The following MRPS7 variants were observed in gnomAD, a reference collection of about 807,000 sequenced individuals.
The protein encoded by MRPS7 is mitochondrial ribosomal protein S7.
A neutral mutation model predicts 26.2 loss-of-function variants in MRPS7; 13 were observed. That is an observed-to-expected ratio of 0.50 (90% confidence interval 0.32 to 0.79). The LOEUF (loss-of-function observed/expected upper bound fraction) is 0.79. Among genes scored for constraint, MRPS7 ranks in the 30% least tolerant of loss-of-function variants. The pLI is 0.03. For synonymous variants in MRPS7, 129 were observed against 113.3 expected (o/e 1.14, Z -0.88); for missense variants, 318 against 312.2 (o/e 1.02, Z -0.14).
intron 4 of MRPS7, chr17:75,263,718 A>C (rs1481688607): frequency 1.6e-6 from 1 of 607,144 alleles, no homozygotes; most frequent in African/African-American, 1.9e-5. Context: ...GTCTCTACAA[A>C]AAAAACAAAA....
intron 3 of MRPS7, chr17:75,263,137 C>A: frequency 3.0e-6 from 2 of 661,036 alleles, no homozygotes; most frequent in Non-Finnish European, 5.0e-6. Context: ...CCACCCCCTC[C>A]ATGCCACAAA....
chr17:75,263,240 C>A, intron 3 of MRPS7, 100 bp from the exon 4 acceptor site: 1 of 1,439,346 alleles, frequency 6.9e-7, no homozygotes, highest in Non-Finnish European at 9.5e-7. Context: ...GCATTGCCAG[C>A]GCAGAACCAG....
chr17:75,263,944 G>A (rs2077448520), intron 4 of MRPS7: 1 of 150,958 alleles, frequency 6.6e-6, no homozygotes, highest in African/African-American at 2.4e-5. Context: ...AGCACTTTGG[G>A]AGGCCGAGGT....
intron 4 of MRPS7, chr17:75,264,022 A>G (rs1366213267): frequency 6.6e-6 from 1 of 152,376 alleles, no homozygotes; most frequent in Non-Finnish European, 1.5e-5. Flanking sequence ...TAACAATACA[A>G]AATTAGCCAG....
chr17:75,261,928 C>A lies in MRPS7; in HGVS notation c.28C>A (p.Arg10=), dbSNP rs748923000. The A allele has an allele frequency of 1.2e-6, 2 of 1,608,808 alleles. No homozygotes were observed. Among genetic ancestry groups the A allele is most frequent in the Admixed American group, 3.3e-5 (2 of 59,968 alleles). Residue 10 remains arginine (R), a synonymous_variant, in exon 1 of 5, where the codon CGA becomes AGA. Coordinates refer to ENST00000245539, the MANE Select transcript of MRPS7 (RefSeq NM_015971.4). MAAPAVKVA[R]GWSGLALGVR... is the part of the protein sequence containing the mutation. ...GGCTGCCCCCGCAGTGAAGGTTGCC[C>A]GAGGATGGTCGGGCCTGGCGTTGGG...
chr17:75,262,124 C>T (rs1379121526), intron 1 of MRPS7, 141 bp downstream of exon 1: 2 of 1,003,616 alleles, frequency 2.0e-6, no homozygotes, highest in East Asian at 5.1e-5. Context: ...CTGCGTGACC[C>T]TGCGCCAATC....
Position 75,263,466 on chromosome 17 carries a change from A to G in MRPS7, c.466A>G (p.Ile156Val), listed in dbSNP as rs752219732. Residue 156 changes from isoleucine to valine, a missense_variant, in exon 4 of 5, where the codon ATT becomes GTT. Transcript: ENST00000245539. ...AGCACTGAAAAACTGTGAGCCTATG[A>G]TTGGGCTGGTACCCATCCTCAAGGG... ...HQALKNCEPM[I>V]GLVPILKGGR... 8.7e-6 allele frequency: 14 copies of G among 1,613,956 alleles called. No homozygotes were observed. In the South Asian group the frequency reaches 1.5e-4, roughly 18 times the overall value.
chr17:75,263,802 GT>G, intron 4 of MRPS7: 1 of 256,990 alleles, frequency 3.9e-6, no homozygotes, highest in Non-Finnish European at 7.5e-6. Context: ...GATCACTTGA[GT>G]CCAGGAGGTC....
At position 75,262,765 on chromosome 17, in the gene MRPS7, A is replaced by C. The variant is rs779751087; in HGVS notation, c.276-39A>C. The C allele has an allele frequency of 1.9e-6, 3 of 1,613,628 alleles. No individual in the cohort carries two copies. The African/African-American group carries it at 4.0e-5, about 22-fold the overall frequency. ...GTTTCTGGTGAGGATTCTGTGATAC[A>C]GCCTTGGAGAGCTAAACGTGTTGCT... On this transcript the variant is annotated intron_variant, in intron 2 of 4. Coordinates refer to ENST00000245539, the MANE Select transcript of MRPS7 (RefSeq NM_015971.4).
chr17:75,263,271 G>T, intron 3 of MRPS7, 69 bp from the exon 4 acceptor site: 1 of 1,580,758 alleles, frequency 6.3e-7, no homozygotes, highest in African/African-American at 1.4e-5. Flanking sequence ...TAAAGGGCAA[G>T]GTACTAGCTT....
chr17:75,263,001 A>G, intron 3 of MRPS7, 134 bp downstream of exon 3: 1 of 894,322 alleles, frequency 1.1e-6, no homozygotes, highest in Non-Finnish European at 1.7e-6. Flanking sequence ...CTGCATGTGT[A>G]CGGGCTTTAA....
Position 75,263,481 on chromosome 17 carries a change from A to G in MRPS7, c.481A>G (p.Ile161Val). 2 of 1,614,078 alleles carry G rather than the reference A, an allele frequency of 1.2e-6. No homozygotes were observed. The highest frequency in any genetic ancestry group is 8.5e-7 in the Non-Finnish European group (1 of 1,180,036). The change falls in exon 4 of 5, where the codon ATC (isoleucine) becomes GTC (valine). Residue 161 changes from isoleucine to valine, a missense_variant. By Grantham distance (29) the Ile-to-Val change is conservative. Transcript: ENST00000245539. ...NCEPMIGLVP[I>V]LKGGRFYQVP... ...TGAGCCTATGATTGGGCTGGTACCC[A>G]TCCTCAAGGGAGGCCGTTTCTACCA...
In MRPS7 at chr17:75,262,490, C is replaced by T. The variant is rs751560360; in HGVS notation, c.84-7C>T. 6.2e-6 allele frequency: 10 copies of T among 1,612,700 alleles called. No homozygotes were observed. Among genetic ancestry groups the T allele is most frequent in the East Asian group, 2.2e-5 (1 of 44,868 alleles). ...TTTGCCTGCCTCCTCCTTTCCCCCC[C>T]TCCCAGGCTAACTCAGGTGAGATGG... On this transcript the variant is annotated splice_region_variant and splice_polypyrimidine_tract_variant and intron_variant, in intron 1 of 4. Transcript: ENST00000245539.
In MRPS7 at chr17:75,265,923, G is replaced by C; in HGVS notation, c.729G>C (p.Ter243TyrextTer21). Residue 243 changes from the stop codon to tyrosine (Y), a stop_lost, in exon 5 of 5, where the codon TAG (stop) becomes TAC (tyrosine). Coordinates refer to ENST00000245539, the MANE Select transcript of MRPS7 (RefSeq NM_015971.4). ...CCCTGGCCCACTACCGCTGGTGGTA[G>C]AGTCTCCAGGAGGAGCCCAGGGCCC... Reference protein sequence around the residue: ...NRALAHYRWW* With the variant: ...NRALAHYRWWY 3.7e-6 allele frequency: 6 copies of C among 1,613,196 alleles called. No individual in the cohort carries two copies. The highest frequency in any genetic ancestry group is 4.2e-6 in the Non-Finnish European group (5 of 1,179,806).
At chr17:75,265,639 G>A (rs1262295952) in intron 4 of MRPS7, 63 bp from the exon 5 acceptor site, 4 of 1,414,366 alleles carry the variant, frequency 2.8e-6, no homozygotes, top group South Asian at 2.3e-5. Flanking sequence ...AATTCAGGGA[G>A]GCAGGAGGCC....
At position 75,263,778 on chromosome 17, in the gene MRPS7, G is replaced by A. The variant is rs78824449; in HGVS notation, c.507+271G>A. On this transcript the variant is annotated intron_variant, in intron 4 of 4. Transcript: ENST00000245539. Reference sequence around the variant, plus strand: ...CATCTGTGCTCCCAACTACTCAGGAGGCTGAGGTAGGAGGATCACTTGAGT... The same window carrying A: ...CATCTGTGCTCCCAACTACTCAGGAAGCTGAGGTAGGAGGATCACTTGAGT... The A allele has an allele frequency of 7.9e-5, 29 of 367,234 alleles. No homozygotes were observed. The East Asian group carries it at 1.5e-3, about 20-fold the overall frequency. The allele number at this position is 367,234 out of a possible 1,614,324, so 22.7% of individuals were successfully genotyped here.
At position 75,262,663 on chromosome 17, in the gene MRPS7, T is replaced by G. The variant is rs747880019; in HGVS notation, c.250T>G (p.Ser84Ala). Residue 84 changes from serine to alanine, a missense_variant, in exon 2 of 5, where the codon TCT (serine) becomes GCT (alanine). By Grantham distance (99) the Ser-to-Ala change is moderately conservative (BLOSUM62 1). Coordinates refer to ENST00000245539, the MANE Select transcript of MRPS7 (RefSeq NM_015971.4). ...IKAAPAGKTS[S>A]VFEDPVISKF... is the part of the protein sequence containing the mutation. ...AGCTGCTCCAGCAGGGAAAACAAGT[T>G]CTGTGTTTGAAGACCCAGTCATCAG... 1 of 1,614,162 alleles carries G rather than the reference T, an allele frequency of 6.2e-7. No homozygotes were observed.
chr17:75,262,976 T>C (rs1313552804), intron 3 of MRPS7, 109 bp downstream of exon 3: 4 of 1,114,246 alleles, frequency 3.6e-6, no homozygotes, highest in Middle Eastern at 2.1e-4. Flanking sequence ...GTATCTATTA[T>C]TCAGATTAAC....
At chr17:75,264,421 A>G (rs907354860) in intron 4 of MRPS7, 7 of 152,160 alleles carry the variant, frequency 4.6e-5, no homozygotes, top group African/African-American at 1.4e-4. Flanking sequence ...CCGATAACTG[A>G]TGCTTCATCA....
Sources: gnomAD v4.1 joint callset for allele counts on GRCh38, gnomAD v4.1.1 for gene constraint, MANE v1.5 for transcripts, NCBI Gene and HGNC (gene_info 2026-07-23, HGNC 2026-07-21) for gene names.